The following RGSL1 variants were observed in gnomAD, a reference collection of about 807,000 sequenced individuals.
RGSL1 encodes the protein regulator of G protein signaling like 1.
Under a neutral mutation model 124.7 loss-of-function variants are expected in RGSL1, and 97 were observed. The ratio of observed to expected loss-of-function variants is 0.78; its 90% CI spans 0.66 to 0.92. RGSL1 has a LOEUF of 0.92. RGSL1 is among the 40% of genes least tolerant of loss of function. The probability of loss-of-function intolerance (pLI) is 0.00; values close to 1 mark genes in which losing one functional copy is unlikely to be tolerated. For missense variants in RGSL1, 1,233 were observed against 1,288.4 expected, an observed-to-expected ratio of 0.96 and a Z score of 0.66; for synonymous variants, 424 against 438.1, an observed-to-expected ratio of 0.97 and a Z score of 0.40.
chr1:182,520,816 T>C (rs867409827), intron 9 of RGSL1, among the ~76,000 whole-genome samples: 22 of 152,218 alleles, frequency 1.4e-4, no homozygotes, highest in African/African-American at 5.1e-4. Flanking sequence ...ACTTTCTGTA[T>C]GCTTTCTGAA....
chr1:182,454,718 C>T (rs535720809), intron 2 of RGSL1, among the ~76,000 whole-genome samples: 81 of 151,930 alleles, frequency 5.3e-4, no homozygotes, highest in Middle Eastern at 3.4e-3. Flanking sequence ...GTGTTTAGTG[C>T]ATAGAAATTG....
chr1:182,460,470 C>A (rs12032506), intron 4 of RGSL1, among the ~76,000 whole-genome samples: 9,089 of 152,138 alleles, frequency 0.06, 372 homozygotes, highest in South Asian at 0.14. Flanking sequence ...TAATGGTGGC[C>A]GCAGAACATA....
At chr1:182,527,012 A>C (rs919968901) in intron 10 of RGSL1, among the ~76,000 whole-genome samples, 2 of 152,218 alleles carry the variant, frequency 1.3e-5, no homozygotes, top group African/African-American at 4.8e-5. Context: ...GTAGAAGTGG[A>C]GTTCATGGGA....
At chr1:182,490,767 C>T (rs1161038316) in intron 8 of RGSL1, among the ~76,000 whole-genome samples, 1 of 152,156 alleles carries the variant, frequency 6.6e-6, no homozygotes, top group African/African-American at 2.4e-5. Context: ...CATATCATTA[C>T]TTCCTCTATC....
intron 9 of RGSL1, 144 bp downstream of exon 9, chr1:182,493,273 T>C: frequency 1.6e-6 from 1 of 619,152 alleles, no homozygotes; most frequent in South Asian, 2.1e-5. Context: ...TAGGGGGTAA[T>C]GACTATGTCT....
At chr1:182,458,250 A>G (rs1376618942) in intron 2 of RGSL1, 69 bp from the exon 3 acceptor site, 17 of 1,138,122 alleles carry the variant, frequency 1.5e-5, no homozygotes, top group Non-Finnish European at 1.9e-5. Context: ...CTGTGGCTGT[A>G]GAGGGACTGT....
intron 6 of RGSL1, among the ~76,000 whole-genome samples, chr1:182,483,669 G>T (rs1654879293): frequency 6.6e-6 from 1 of 151,488 alleles, no homozygotes; most frequent in Admixed American, 6.6e-5. Context: ...TTACGTTCAG[G>T]GGTACATATG....
chr1:182,547,979 T>C (rs1660322465), intron 15 of RGSL1, among the ~76,000 whole-genome samples: 1 of 152,116 alleles, frequency 6.6e-6, no homozygotes. Flanking sequence ...TTGCCTCAGG[T>C]CAGCACAGGA....
At chr1:182,460,828 T>C in intron 4 of RGSL1, 1 of 422,238 alleles carries the variant, frequency 2.4e-6, no homozygotes, top group African/African-American at 2.0e-5. Context: ...CAGTAAATTG[T>C]AGTTGATCTC....
intron 9 of RGSL1, among the ~76,000 whole-genome samples, chr1:182,515,691 C>A (rs1246652731): frequency 6.6e-6 from 1 of 152,188 alleles, no homozygotes; most frequent in Non-Finnish European, 1.5e-5. Context: ...GCCGGCACGG[C>A]AAACAGGAGG....
chr1:182,535,671 C>T (rs1455595498), intron 14 of RGSL1, among the ~76,000 whole-genome samples: 1 of 152,144 alleles, frequency 6.6e-6, no homozygotes, highest in Non-Finnish European at 1.5e-5. Context: ...TCTACATTCC[C>T]CTCAAATTAT....
chr1:182,486,635 A>G (rs557511794), intron 6 of RGSL1, among the ~76,000 whole-genome samples: 2 of 152,240 alleles, frequency 1.3e-5, no homozygotes, highest in African/African-American at 4.8e-5. Context: ...GGTGTGAGGC[A>G]TGAGCCACTG....
At chr1:182,532,823 T>C in intron 14 of RGSL1, 32 bp downstream of exon 14, 1 of 1,538,966 alleles carries the variant, frequency 6.5e-7, no homozygotes, top group Non-Finnish European at 8.8e-7. Context: ...CCCCACTCCC[T>C]GTTGATATTT....
intron 2 of RGSL1, 63 bp downstream of exon 2, chr1:182,454,103 G>T (rs1652074751): frequency 1.3e-5 from 12 of 944,242 alleles, no homozygotes; most frequent in Non-Finnish European, 2.0e-5. Flanking sequence ...ATCTCACAGA[G>T]CTGAGTGACT....
intron 3 of RGSL1, 103 bp downstream of exon 3, chr1:182,458,496 G>C: frequency 1.1e-6 from 1 of 925,800 alleles, no homozygotes; most frequent in East Asian, 2.6e-5. Context: ...TGGAGATGGG[G>C]TCTCATTCTG....
rs187682054 is a variant in RGSL1, at chr1:182,559,486, C to T, written c.*166-793C>T. 2.0e-5 allele frequency among the ~76,000 whole-genome samples: 3 copies of T among 152,278 alleles called. 1 individual carries two copies. Among genetic ancestry groups the T allele is most frequent in the East Asian group, 1.9e-4 (1 of 5,186 alleles). On this transcript the variant is annotated intron_variant, in intron 21 of 21. Transcript: ENST00000294854. ...CCACTGGCACTGCTTTTGTCGGGCC[C>T]TTGTCCCCATCACTGGCCCTGTGAA...
chr1:182,523,224 A>G (rs1318976103), intron 10 of RGSL1, among the ~76,000 whole-genome samples: 1 of 97,536 alleles, frequency 1.0e-5, no homozygotes, highest in South Asian at 3.1e-4. Context: ...TTTTTTTTCT[A>G]GAGACTGGGT....
intron 14 of RGSL1, among the ~76,000 whole-genome samples, chr1:182,533,103 T>C (rs551938163): frequency 1.3e-5 from 2 of 152,302 alleles, no homozygotes; most frequent in East Asian, 1.9e-4. Flanking sequence ...TTTTTCTGCT[T>C]ATAAATTAAT....
At position 182,474,100 on chromosome 1, in the gene RGSL1, T is replaced by G. The variant is rs775954543; in HGVS notation, c.989T>G (p.Met330Arg). ...MENKAKSHLH[M>R]EAPFETKVST... is the part of the protein sequence containing the mutation. The stretch of plus-strand genomic sequence containing the variant: ...AATAAAGCCAAGAGCCACCTCCACA[T>G]GGAAGCCCCCTTTGAGACAAAGGTC... The change falls in exon 6 of 22, where the codon ATG (methionine) becomes AGG (arginine). Residue 330 changes from methionine to arginine, a missense_variant. Transcript: ENST00000294854. The G allele has an allele frequency of 5.2e-5, 80 of 1,551,782 alleles. No homozygotes were observed. Among genetic ancestry groups the G allele is most frequent in the Non-Finnish European group, 6.6e-5 (76 of 1,147,036 alleles).
Sources: allele counts gnomAD v4.1 joint callset (sites outside exome capture counted in the v4.1 genomes callset), GRCh38; gene constraint gnomAD v4.1.1; transcripts MANE v1.5; gene names NCBI Gene and HGNC (gene_info 2026-07-23, HGNC 2026-07-21).